Variants in MYLK observed in about 807,000 individuals in gnomAD.
The protein encoded by MYLK is myosin light chain kinase, smooth muscle.
In MYLK, 106 loss-of-function variants were observed where a neutral mutation model predicts 203.4. The ratio of observed to expected loss-of-function variants is 0.52; its 90% confidence interval spans 0.45 to 0.61. The LOEUF (loss-of-function observed/expected upper bound fraction) is 0.61. Among genes scored for constraint, MYLK ranks in the 20% least tolerant of loss-of-function variants. MYLK has a pLI of 0.00. For synonymous variants in MYLK, 867 were observed against 959.5 expected (o/e 0.90, Z 1.78); for missense variants, 2,072 against 2,442.3 (o/e 0.85, Z 3.20).
intron 13 of MYLK, among the ~76,000 whole-genome samples, chr3:123,721,577 G>A (rs549819653): frequency 1.7e-4 from 26 of 152,170 alleles, no homozygotes; most frequent in African/African-American, 6.3e-4. Flanking sequence ...GGGCCCGTGA[G>A]TAGAAGGGGG....
chr3:123,735,275 A>G (rs1286021448), intron 9 of MYLK, 123 bp downstream of exon 9: 1 of 1,302,998 alleles, frequency 7.7e-7, no homozygotes, highest in Non-Finnish European at 1.1e-6. Context: ...ATAAAACAAC[A>G]TCCTCCAAAT....
rs886039186 is a variant in MYLK, at chr3:123,640,479, G to A, written c.4645C>T (p.Arg1549Cys). ...AGCTCAAAGTCCTCGTCAATGATGCGCTCAAACAGCTCCCCTCCTGACACG... is the reference window on the plus strand; with the variant it reads ...AGCTCAAAGTCCTCGTCAATGATGCACTCAAACAGCTCCCCTCCTGACACG... The part of the protein sequence containing the change: ...EIVSGGELFE[R>C]IIDEDFELTE... Residue 1549 changes from arginine to cysteine, a missense_variant, in exon 28 of 34, where the codon CGC becomes TGC. Physicochemically the swap from Arg to Cys is radical, Grantham distance 180. Transcript: ENST00000360304. The surrounding 1 kb of genome is among the most constrained non-coding windows in gnomAD (Gnocchi z 4.3). 5 of 1,614,038 alleles carry A rather than the reference G, an allele frequency of 3.1e-6. No individual in the cohort carries two copies. Among genetic ancestry groups the A allele is most frequent in the Non-Finnish European group, 4.2e-6 (5 of 1,180,032 alleles).
At chr3:123,722,906 T>G (rs564465830) in intron 12 of MYLK, among the ~76,000 whole-genome samples, 1 of 151,452 alleles carries the variant, frequency 6.6e-6, no homozygotes, top group African/African-American at 2.4e-5. Flanking sequence ...GAACTAAAAA[T>G]GACTCGGCTC....
chr3:123,713,130 C>T (rs766671378), intron 13 of MYLK, among the ~76,000 whole-genome samples: 4 of 152,174 alleles, frequency 2.6e-5, no homozygotes, highest in African/African-American at 7.2e-5. Flanking sequence ...ACCGGCCGAT[C>T]GGCAGACATT....
chr3:123,833,525 GC>G (rs11365426), intron 2 of MYLK, among the ~76,000 whole-genome samples: 126,929 of 151,922 alleles, frequency 0.84, 53,183 homozygotes, highest in East Asian at 0.95. Context: ...TCCCTACCCT[GC>G]CCCATGCACA....
chr3:123,862,818 CA>C lies in MYLK; in HGVS notation c.-127+13740del, dbSNP rs1227481992. Among the ~76,000 whole-genome samples, 3 of 152,054 alleles carry C rather than the reference CA, an allele frequency of 2.0e-5. No homozygotes were observed. In the East Asian group the frequency reaches 5.8e-4, roughly 29 times the overall value. On this transcript the variant is annotated intron_variant, in intron 2 of 33. Transcript: ENST00000360304. ...CTCCCTTCTCCCCTACTTGTTCTTC[CA>C]AGTTTTTCCGTCTTTTTTCTATCTT...
chr3:123,858,746 CA>C (rs575715556), intron 2 of MYLK, among the ~76,000 whole-genome samples: 26 of 152,252 alleles, frequency 1.7e-4, no homozygotes, highest in Middle Eastern at 6.8e-3. Context: ...TAATCACCCC[CA>C]CCAAAGGCCC....
chr3:123,677,822 G>A (rs1230908235), intron 20 of MYLK, among the ~76,000 whole-genome samples: 1 of 145,202 alleles, frequency 6.9e-6, no homozygotes, highest in Non-Finnish European at 1.5e-5. Context: ...TCAAGGGCAT[G>A]ATATCTCCAA....
intron 2 of MYLK, among the ~76,000 whole-genome samples, chr3:123,839,614 A>T (rs1471157799): frequency 6.6e-6 from 1 of 152,224 alleles, no homozygotes; most frequent in African/African-American, 2.4e-5. Flanking sequence ...TTGTAGTTAG[A>T]GATTTCAACA....
chr3:123,720,460 T>C (rs2062048827), intron 13 of MYLK, among the ~76,000 whole-genome samples: 1 of 152,156 alleles, frequency 6.6e-6, no homozygotes, highest in Non-Finnish European at 1.5e-5. Flanking sequence ...TGTAGCATTC[T>C]GACTCTTGCT....
chr3:123,871,610 C>A (rs932026245), intron 2 of MYLK, among the ~76,000 whole-genome samples: 11 of 152,066 alleles, frequency 7.2e-5, no homozygotes, highest in Admixed American at 4.6e-4. Flanking sequence ...TACCGAAAAT[C>A]ACTCAAGAAG....
chr3:123,697,227 C>T (rs2060966084), intron 18 of MYLK, among the ~76,000 whole-genome samples: 1 of 152,188 alleles, frequency 6.6e-6, no homozygotes, highest in Non-Finnish European at 1.5e-5. Context: ...TAAGTTTTTT[C>T]CTTAACAAAA....
chr3:123,686,273 G>A (rs541971403), intron 19 of MYLK, among the ~76,000 whole-genome samples: 20 of 152,268 alleles, frequency 1.3e-4, no homozygotes, highest in South Asian at 6.2e-4. Context: ...GTGTGAGGAA[G>A]TGGGGGGCCT....
At chr3:123,699,690 G>T (rs1301262482) in intron 18 of MYLK, among the ~76,000 whole-genome samples, 1 of 152,228 alleles carries the variant, frequency 6.6e-6, no homozygotes, top group Non-Finnish European at 1.5e-5. Flanking sequence ...CTCAGGCTCA[G>T]GTCTCCTCTG....
rs1012021661 is a variant in MYLK at position 123,804,649 on chromosome 3, C to A, written c.-3-10805G>T. Among the ~76,000 whole-genome samples the A allele has an allele frequency of 5.9e-5, 9 of 152,262 alleles. No individual in the cohort carries two copies. In the East Asian group the frequency reaches 1.5e-3, roughly 26 times the overall value. Reference sequence around the variant, plus strand: ...GTTCTGTGGGGATGATCTTAAGGGACAAGCCCAGAGGATACTTTGCTAGGA... The same window carrying A: ...GTTCTGTGGGGATGATCTTAAGGGAAAAGCCCAGAGGATACTTTGCTAGGA... On this transcript the variant is annotated intron_variant, in intron 3 of 33. Coordinates refer to ENST00000360304, the MANE Select transcript of MYLK (RefSeq NM_053025.4).
At chr3:123,736,174 A>AATAGAGAATACCAGCATGCACCGTAC (rs1331687875) in intron 8 of MYLK, among the ~76,000 whole-genome samples, 1 of 152,174 alleles carries the variant, frequency 6.6e-6, no homozygotes, top group African/African-American at 2.4e-5. Flanking sequence ...TGTCAAGTGA[A>AATAGAGAATACCAGCATGCACCGTAC]ATAGAGAATA....
chr3:123,690,985 T>G (rs2060637936), intron 19 of MYLK, among the ~76,000 whole-genome samples: 1 of 151,990 alleles, frequency 6.6e-6, no homozygotes, highest in Non-Finnish European at 1.5e-5. Context: ...AATCCCCAAG[T>G]GTATTCAGTA....
At chr3:123,767,160 G>C (rs183278065) in intron 4 of MYLK, among the ~76,000 whole-genome samples, 1 of 152,312 alleles carries the variant, frequency 6.6e-6, no homozygotes, top group East Asian at 1.9e-4. Context: ...AGGAAGAATT[G>C]GCGGGGGCTG....
chr3:123,819,248 AAG>A (rs1262097483), intron 3 of MYLK, among the ~76,000 whole-genome samples: 4 of 152,322 alleles, frequency 2.6e-5, no homozygotes, highest in South Asian at 2.1e-4. Flanking sequence ...ACAGCCTTCA[AAG>A]AGAGAGTTTC....
Sources: allele counts gnomAD v4.1 joint callset (sites outside exome capture counted in the v4.1 genomes callset), GRCh38; gene constraint gnomAD v4.1.1; non-coding constraint Gnocchi (gnomAD v3.1); transcripts MANE v1.5; gene names NCBI Gene and HGNC (gene_info 2026-07-23, HGNC 2026-07-21).